The following EML5 variants were observed in gnomAD, a reference collection of about 807,000 sequenced individuals.
EML5 encodes the protein echinoderm microtubule-associated protein-like 5.
In EML5, 120 loss-of-function variants were observed where a neutral mutation model predicts 250.0. The observed-to-expected ratio is 0.48, with a 90% CI of 0.41 to 0.56. The LOEUF is 0.56. Ranked by LOEUF, EML5 falls within the 20% of genes least tolerant of loss-of-function variation. The pLI is 0.00. For synonymous variants in EML5, 771 were observed against 806.5 expected, an observed-to-expected ratio of 0.96 and a Z score of 0.75; for missense variants, 2,006 against 2,437.6, an observed-to-expected ratio of 0.82 and a Z score of 3.73.
intron 1 of EML5, among the ~76,000 whole-genome samples, chr14:88,767,908 T>C (rs114996841): frequency 1.0e-3 from 152 of 152,288 alleles, no homozygotes; most frequent in African/African-American, 3.4e-3. Flanking sequence ...TTTCCACTAA[T>C]GTCTCTTTTC....
chr14:88,661,935 A>G (rs2092115002), intron 24 of EML5, 105 bp from the exon 25 acceptor site: 4 of 1,047,692 alleles, frequency 3.8e-6, no homozygotes, highest in Non-Finnish European at 4.0e-6. Context: ...CACAAGTAAA[A>G]TGAAAGTTTT....
chr14:88,788,915 A>T (rs1488992718), intron 1 of EML5, among the ~76,000 whole-genome samples: 1 of 140,768 alleles, frequency 7.1e-6, no homozygotes, highest in Non-Finnish European at 1.5e-5. Flanking sequence ...AAAAAAAAAT[A>T]GCCCAGCATC....
At position 88,644,843 on chromosome 14, in the gene EML5, T is replaced by C. The variant is rs551950477; in HGVS notation, c.4029-332A>G. On this transcript the variant is annotated intron_variant, in intron 29 of 43. Coordinates refer to ENST00000554922, the MANE Select transcript of EML5 (RefSeq NM_183387.3). ...CTCCTGCCTCAGCCTCCCGAGTAGC[T>C]GGGATTACAGGTGTGTGCCACCACA... 7 of 182,640 alleles carry C rather than the reference T, an allele frequency of 3.8e-5. No individual in the cohort carries two copies. In the East Asian group the frequency reaches 1.1e-3, roughly 28 times the overall value. 11.3% of individuals were successfully genotyped at this position (182,640 alleles called of 1,614,324 possible).
chr14:88,695,381 T>G lies in EML5; in HGVS notation c.2418A>C (p.Gly806=), dbSNP rs2093053931. 1 of 1,611,192 alleles carries G rather than the reference T, an allele frequency of 6.2e-7. No homozygotes were observed. ...CCTACCTTGCTATTGAAAGTTTCTCTCCTTTCTTCCAGTCCCAGAGCACAA... is the reference window on the plus strand; with the variant it reads ...CCTACCTTGCTATTGAAAGTTTCTCGCCTTTCTTCCAGTCCCAGAGCACAA... ...HTVVLWDWKK[G]EKLSIARGSK... is the part of the protein sequence containing the mutation. Residue 806 remains glycine, a synonymous_variant, in exon 16 of 44, where the codon GGA becomes GGC. Transcript: ENST00000554922.
At position 88,621,130 on chromosome 14, in the gene EML5, A is replaced by C; in HGVS notation, c.5185T>G (p.Trp1729Gly). Reference sequence around the variant, plus strand: ...GTACTTACTTTATCAGCAATATCCCAAAGTCTCACTGTCCCATCTTCTGCA... The same window carrying C: ...GTACTTACTTTATCAGCAATATCCCCAAGTCTCACTGTCCCATCTTCTGCA... ...SAAEDGTVRL[W>G]DIADKKMLNK... The change falls in exon 38 of 44, where the codon TGG (tryptophan) becomes GGG (glycine). Residue 1729 changes from tryptophan to glycine, a missense_variant. Physicochemically the swap from Trp to Gly is radical, Grantham distance 184 (BLOSUM62 -2). Transcript: ENST00000554922. The C allele has an allele frequency of 6.2e-7, 1 of 1,613,822 alleles. No individual in the cohort carries two copies. Among genetic ancestry groups the C allele is most frequent in the South Asian group, 1.1e-5 (1 of 91,052 alleles).
chr14:88,639,440 G>A (rs1264226061), intron 31 of EML5, among the ~76,000 whole-genome samples: 1 of 152,172 alleles, frequency 6.6e-6, no homozygotes, highest in East Asian at 1.9e-4. Context: ...GTCAGCCCAC[G>A]ATCCTTCTGT....
In EML5 at chr14:88,627,607, CTTG is replaced by C. The variant is rs776430545; in HGVS notation, c.4531+36_4531+38del. ...ACAGAATTCCTACTACCTTTGTATT[CTTG>C]TTTTTTTAAAAATCAAACACACAAA... On this transcript the variant is annotated intron_variant, in intron 34 of 43. Transcript: ENST00000554922. 14 of 1,554,954 alleles carry C rather than the reference CTTG, an allele frequency of 9.0e-6. No individual in the cohort carries two copies. In the East Asian group the frequency reaches 2.9e-4, roughly 32 times the overall value.
At chr14:88,732,803 A>G (rs2093781069) in intron 7 of EML5, among the ~76,000 whole-genome samples, 1 of 152,166 alleles carries the variant, frequency 6.6e-6, no homozygotes. Flanking sequence ...TTTCTGAATT[A>G]AGAAGAATTG....
At chr14:88,703,438 C>T (rs1422203093) in intron 13 of EML5, among the ~76,000 whole-genome samples, 2 of 152,042 alleles carry the variant, frequency 1.3e-5, no homozygotes, top group Non-Finnish European at 2.9e-5. Flanking sequence ...GTTTAAACTA[C>T]AATTTTAAAA....
At chr14:88,624,847 G>T in intron 36 of EML5, 123 bp downstream of exon 36, 1 of 1,019,670 alleles carries the variant, frequency 9.8e-7, no homozygotes, top group Non-Finnish European at 1.4e-6. Context: ...TAAAGGAGAA[G>T]CATATGAGGA....
intron 4 of EML5, among the ~76,000 whole-genome samples, chr14:88,743,130 A>T (rs938765836): frequency 6.6e-6 from 1 of 152,096 alleles, no homozygotes; most frequent in Non-Finnish European, 1.5e-5. Context: ...ATCAAGGCTG[A>T]GAGAGGGACA....
chr14:88,733,432 T>C (rs1305357536), intron 7 of EML5, among the ~76,000 whole-genome samples: 1 of 152,216 alleles, frequency 6.6e-6, no homozygotes, highest in Non-Finnish European at 1.5e-5. Context: ...TTAACTAATA[T>C]CTTTAGTTGT....
chr14:88,644,282 C>G, intron 30 of EML5, 151 bp downstream of exon 30: 3 of 643,076 alleles, frequency 4.7e-6, no homozygotes, highest in Admixed American at 6.1e-5. Flanking sequence ...GAATATCCAT[C>G]CAAAACTCAG....
intron 8 of EML5, among the ~76,000 whole-genome samples, chr14:88,724,206 C>T (rs555738199): frequency 1.4e-5 from 2 of 145,896 alleles, no homozygotes; most frequent in South Asian, 4.3e-4. Flanking sequence ...ACCTGGGAGG[C>T]GGAGGCTGCA....
At chr14:88,791,703 G>A (rs2094609693) in intron 1 of EML5, among the ~76,000 whole-genome samples, 1 of 152,196 alleles carries the variant, frequency 6.6e-6, no homozygotes, top group Admixed American at 6.5e-5. Flanking sequence ...CTTCAGATAA[G>A]ACCTACCTTA....
chr14:88,627,598 C>G, intron 34 of EML5, 48 bp downstream of exon 34: 2 of 1,532,168 alleles, frequency 1.3e-6, no homozygotes, highest in Non-Finnish European at 1.8e-6. Flanking sequence ...TTCCTACTAC[C>G]TTTGTATTCT....
chr14:88,770,766 T>G lies in EML5; in HGVS notation c.198-16095A>C, dbSNP rs148977792. On this transcript the variant is annotated intron_variant, in intron 1 of 43. Transcript: ENST00000554922. ...CTGAACATATAGTAAAAACTCAACA[T>G]TTATGGATTAATTTGGGAGACAAAT... Among the ~76,000 whole-genome samples the G allele has an allele frequency of 5.1e-3, 777 of 152,334 alleles. 9 individuals carry two copies. Among genetic ancestry groups the G allele is most frequent in the African/African-American group, 0.018 (745 of 41,582 alleles).
chr14:88,785,702 A>G (rs143125706), intron 1 of EML5, among the ~76,000 whole-genome samples: 82 of 152,100 alleles, frequency 5.4e-4, no homozygotes, highest in African/African-American at 1.9e-3. Flanking sequence ...AAAATACATA[A>G]AAATTTGCTC....
intron 31 of EML5, among the ~76,000 whole-genome samples, chr14:88,641,404 G>A (rs1264202993): frequency 6.6e-6 from 1 of 151,990 alleles, no homozygotes; most frequent in Non-Finnish European, 1.5e-5. Flanking sequence ...GATGAACATA[G>A]ATGCGAAAAG....
Sources: allele counts gnomAD v4.1 joint callset (sites outside exome capture counted in the v4.1 genomes callset), GRCh38; gene constraint gnomAD v4.1.1; transcripts MANE v1.5; gene names NCBI Gene and HGNC (gene_info 2026-07-23, HGNC 2026-07-21).